UBR1: variants seen among roughly 807,000 people sequenced by gnomAD.
UBR1 encodes ubiquitin protein ligase E3 component n-recognin 1, also known as E3 ubiquitin-protein ligase UBR1.
Under a neutral mutation model 242.1 loss-of-function variants are expected in UBR1, and 102 were observed. That is an observed-to-expected ratio of 0.42 (90% CI 0.36 to 0.50). The LOEUF is 0.50. UBR1 is among the 20% of genes least tolerant of loss of function. The pLI is 0.01. For missense variants in UBR1, 1,772 were observed against 2,101.8 expected, an observed-to-expected ratio of 0.84 and a Z score of 3.07; for synonymous variants, 675 against 684.8, an observed-to-expected ratio of 0.99 and a Z score of 0.22.
chr15:43,076,348 C>A (rs1190379602), intron 3 of UBR1, among the ~76,000 whole-genome samples: 1 of 152,160 alleles, frequency 6.6e-6, no homozygotes, highest in African/African-American at 2.4e-5. Flanking sequence ...ACCTCCCAGC[C>A]GCCTGCCTTG....
intron 22 of UBR1, 131 bp downstream of exon 22, chr15:43,027,645 C>G: frequency 1.3e-6 from 1 of 782,694 alleles, no homozygotes. Flanking sequence ...CATTCTCACC[C>G]TTTCTAATCT....
At chr15:43,026,422 A>C in intron 23 of UBR1, 139 bp downstream of exon 23, 1 of 671,088 alleles carries the variant, frequency 1.5e-6, no homozygotes, top group Non-Finnish European at 2.6e-6. Flanking sequence ...TTATTGATTC[A>C]ATTTTAATTC....
chr15:43,036,093 G>C, intron 19 of UBR1, 85 bp downstream of exon 19: 2 of 1,232,934 alleles, frequency 1.6e-6, no homozygotes, highest in Non-Finnish European at 2.4e-6. Flanking sequence ...AAAAAATATG[G>C]CTAAATATGA....
At chr15:42,992,994 T>C (rs2032579377) in intron 33 of UBR1, among the ~76,000 whole-genome samples, 1 of 152,248 alleles carries the variant, frequency 6.6e-6, no homozygotes, top group Admixed American at 6.5e-5. Flanking sequence ...CCACCATGGC[T>C]GTGCAGCTCT....
chr15:42,995,168 T>C (rs2032618210), intron 33 of UBR1, among the ~76,000 whole-genome samples: 1 of 152,168 alleles, frequency 6.6e-6, no homozygotes, highest in African/African-American at 2.4e-5. Context: ...CAATTAAACA[T>C]TTAGAGGCCA....
intron 33 of UBR1, among the ~76,000 whole-genome samples, chr15:42,997,212 G>A (rs1359302890): frequency 6.6e-6 from 1 of 152,166 alleles, no homozygotes; most frequent in Admixed American, 6.5e-5. Context: ...AATCTAGGTT[G>A]CCCACTCCTT....
intron 3 of UBR1, among the ~76,000 whole-genome samples, chr15:43,078,843 C>T (rs767103207): frequency 6.6e-6 from 1 of 151,678 alleles, no homozygotes; most frequent in Non-Finnish European, 1.5e-5. Flanking sequence ...GTGGCATGCA[C>T]CTGTAGTAAG....
intron 29 of UBR1, among the ~76,000 whole-genome samples, chr15:43,015,044 A>C (rs1162452490): frequency 2.7e-5 from 4 of 150,788 alleles, no homozygotes; most frequent in Non-Finnish European, 5.9e-5. Context: ...CCGCCCGGCC[A>C]GCCACCCCGT....
chr15:43,041,899 CA>C, intron 15 of UBR1, among the ~76,000 whole-genome samples: 1 of 152,164 alleles, frequency 6.6e-6, no homozygotes, highest in South Asian at 2.1e-4. Context: ...GGAAGATATA[CA>C]AATGGCCAAC....
At chr15:43,053,493 G>A (rs546754705) in intron 12 of UBR1, among the ~76,000 whole-genome samples, 6 of 152,258 alleles carry the variant, frequency 3.9e-5, no homozygotes, top group African/African-American at 1.2e-4. Context: ...TAATTTGGCT[G>A]AGAAACAAAT....
chr15:43,087,122 C>T (rs8035640), intron 1 of UBR1, among the ~76,000 whole-genome samples: 10 of 152,246 alleles, frequency 6.6e-5, no homozygotes, highest in African/African-American at 2.4e-4. Flanking sequence ...CTAATAGAAT[C>T]GGGCCGGGCG....
At chr15:43,104,599 C>T (rs1367680713) in intron 1 of UBR1, among the ~76,000 whole-genome samples, 1 of 152,086 alleles carries the variant, frequency 6.6e-6, no homozygotes, top group East Asian at 1.9e-4. Flanking sequence ...TTGTTCCTAC[C>T]TCCTAGACAG....
rs1287035910 is a variant in UBR1 at position 43,059,292 on chromosome 15, T to C, written c.986-100A>G. 15 of 1,002,952 alleles carry C rather than the reference T, an allele frequency of 1.5e-5. No homozygotes were observed. In the East Asian group the frequency reaches 3.8e-4, roughly 26 times the overall value. The allele number at this position is 1,002,952 out of a possible 1,614,324, so 62.1% of individuals were successfully genotyped here. On this transcript the variant is annotated intron_variant, in intron 8 of 46. Transcript: ENST00000290650. ...GTTGCCCAGGTTGGTCTTGAACTCC[T>C]GGGCTCAAGCGATCCTTCCACCTCA...
intron 46 of UBR1, among the ~76,000 whole-genome samples, chr15:42,947,022 A>C (rs2031748603): frequency 6.6e-6 from 1 of 152,072 alleles, no homozygotes; most frequent in Admixed American, 6.6e-5. Flanking sequence ...GTGGTGGTGC[A>C]TGTCTGTAGT....
intron 40 of UBR1, among the ~76,000 whole-genome samples, chr15:42,966,561 C>A (rs1174870207): frequency 3.3e-5 from 5 of 152,002 alleles, no homozygotes; most frequent in African/African-American, 9.6e-5. Context: ...ACCTGTGATC[C>A]CAGCTACTCG....
At chr15:43,015,557 G>A (rs2033008839) in intron 29 of UBR1, 131 bp downstream of exon 29, 1 of 1,022,838 alleles carries the variant, frequency 9.8e-7, no homozygotes, top group Admixed American at 1.8e-5. Context: ...TTGTTCACTT[G>A]TTTATCTGCT....
intron 35 of UBR1, among the ~76,000 whole-genome samples, chr15:42,988,337 C>T (rs1300582916): frequency 6.6e-6 from 1 of 151,976 alleles, no homozygotes. Flanking sequence ...CTCTGTTGCC[C>T]AGGCTGGAGT....
At chr15:43,015,203 G>A (rs1338254400) in intron 29 of UBR1, among the ~76,000 whole-genome samples, 1 of 152,248 alleles carries the variant, frequency 6.6e-6, no homozygotes, top group African/African-American at 2.4e-5. Context: ...AACAGAAAAG[G>A]GGGAAAGGTG....
At chr15:43,015,546 T>C (rs1156894404) in intron 29 of UBR1, 142 bp downstream of exon 29, 40 of 930,630 alleles carry the variant, frequency 4.3e-5, no homozygotes, top group South Asian at 2.7e-4. Flanking sequence ...ACCAAAGACC[T>C]TTGTTCACTT....
Sources: allele counts gnomAD v4.1 joint callset (sites outside exome capture counted in the v4.1 genomes callset), GRCh38; gene constraint gnomAD v4.1.1; transcripts MANE v1.5; gene names NCBI Gene and HGNC (gene_info 2026-07-23, HGNC 2026-07-21).